The following INPP5A variants were observed in gnomAD, a reference collection of about 807,000 sequenced individuals.
INPP5A encodes the protein 43 kDa inositol polyphosphate 5-phophatase.
INPP5A carries 14 observed loss-of-function variants against 65.2 expected under a neutral mutation model. The observed-to-expected ratio is 0.21, with a 90% CI of 0.14 to 0.34. The LOEUF (loss-of-function observed/expected upper bound fraction) is 0.34. Among genes scored for constraint, INPP5A ranks in the 10% least tolerant of loss-of-function variants. The pLI, the probability that INPP5A is intolerant of heterozygous loss-of-function variation, is 1.00. For synonymous variants in INPP5A, 207 were observed against 208.3 expected (o/e 0.99, Z 0.05); for missense variants, 431 against 545.6 (o/e 0.79, Z 2.09).
intron 11 of INPP5A, among the ~76,000 whole-genome samples, chr10:132,755,337 T>C (rs1306539207): frequency 6.9e-6 from 1 of 144,796 alleles, no homozygotes; most frequent in African/African-American, 2.6e-5. Context: ...GTGTGAGCTG[T>C]GTGAGCGTGT....
intron 1 of INPP5A, among the ~76,000 whole-genome samples, chr10:132,548,416 T>G (rs1031824253): frequency 6.6e-6 from 1 of 152,208 alleles, no homozygotes; most frequent in Non-Finnish European, 1.5e-5. Flanking sequence ...CGACTCTGCT[T>G]CTGCCTCGCA....
At chr10:132,597,071 G>A (rs7922637) in intron 1 of INPP5A, among the ~76,000 whole-genome samples, 2,371 of 151,720 alleles carry the variant, frequency 0.016, 53 homozygotes, top group African/African-American at 0.053. Flanking sequence ...GCTCCTGTAC[G>A]TGTGTGCGTG....
intron 4 of INPP5A, among the ~76,000 whole-genome samples, chr10:132,682,061 G>A (rs969766511): frequency 3.9e-5 from 6 of 152,204 alleles, no homozygotes; most frequent in African/African-American, 1.2e-4. Context: ...GAGCGGGAAG[G>A]GGAGAGCGGG....
At chr10:132,564,041 A>C (rs2071240948) in intron 1 of INPP5A, among the ~76,000 whole-genome samples, 1 of 152,122 alleles carries the variant, frequency 6.6e-6, no homozygotes, top group African/African-American at 2.4e-5. Context: ...TTTTAACCAC[A>C]AAGGATAGGT....
At chr10:132,688,982 T>G (rs754580794) in intron 4 of INPP5A, among the ~76,000 whole-genome samples, 1 of 152,200 alleles carries the variant, frequency 6.6e-6, no homozygotes, top group Non-Finnish European at 1.5e-5. Flanking sequence ...AGTGTATGTG[T>G]GCAAGTGTGT....
chr10:132,641,823 T>C (rs774624826), intron 2 of INPP5A, among the ~76,000 whole-genome samples: 1 of 152,252 alleles, frequency 6.6e-6, no homozygotes, highest in Non-Finnish European at 1.5e-5. Context: ...TTCGTCTGTT[T>C]GGGGTACCCA....
chr10:132,726,138 T>G (rs926041577), intron 8 of INPP5A, among the ~76,000 whole-genome samples: 1 of 152,160 alleles, frequency 6.6e-6, no homozygotes, highest in Admixed American at 6.5e-5. Context: ...GGAAACTGAT[T>G]GTGATTGATT....
Position 132,781,312 on chromosome 10 carries a change from G to T in INPP5A, c.1158+395G>T, listed in dbSNP as rs73387039. Among the ~76,000 whole-genome samples the T allele has an allele frequency of 6.3e-3, 956 of 152,336 alleles. 5 individuals carry two copies. Among genetic ancestry groups the T allele is most frequent in the African/African-American group, 0.022 (908 of 41,570 alleles). On this transcript the variant is annotated intron_variant, in intron 14 of 15. Coordinates refer to ENST00000368594, the MANE Select transcript of INPP5A (RefSeq NM_005539.5). ...GCTCACTGTCAGCCGAGGAGCCGGG[G>T]TGAGGGCGCTCCCCACCGTGTGCCA...
At chr10:132,607,620 A>C (rs1457216563) in intron 1 of INPP5A, among the ~76,000 whole-genome samples, 1 of 152,244 alleles carries the variant, frequency 6.6e-6, no homozygotes, top group African/African-American at 2.4e-5. Context: ...AGCAACACAG[A>C]GCCTTCCCCT....
intron 4 of INPP5A, among the ~76,000 whole-genome samples, chr10:132,655,678 G>A (rs1590899638): frequency 6.6e-6 from 1 of 152,338 alleles, no homozygotes; most frequent in East Asian, 1.9e-4. Context: ...GCAGTGGGAG[G>A]GGTGGGGGGC....
chr10:132,579,005 G>A (rs561944172), intron 1 of INPP5A, among the ~76,000 whole-genome samples: 62 of 152,308 alleles, frequency 4.1e-4, no homozygotes, highest in African/African-American at 1.3e-3. Flanking sequence ...GAAGCTGCTC[G>A]TCCTCTTGTG....
intron 12 of INPP5A, among the ~76,000 whole-genome samples, chr10:132,772,522 A>G (rs1846973326): frequency 8.5e-6 from 1 of 117,404 alleles, no homozygotes; most frequent in African/African-American, 3.2e-5. Flanking sequence ...CACCCGATGA[A>G]GAGTGGGACG....
At chr10:132,746,991 TG>T (rs1432200523) in intron 9 of INPP5A, among the ~76,000 whole-genome samples, 1 of 152,224 alleles carries the variant, frequency 6.6e-6, no homozygotes, top group Non-Finnish European at 1.5e-5. Context: ...TCCTGGGCTC[TG>T]GGGTCCATCA....
chr10:132,734,476 C>T (rs545167835), intron 9 of INPP5A, among the ~76,000 whole-genome samples: 3 of 152,360 alleles, frequency 2.0e-5, no homozygotes, highest in South Asian at 2.1e-4. Context: ...AGTGCGGATT[C>T]GCAGCGTTTC....
intron 1 of INPP5A, among the ~76,000 whole-genome samples, chr10:132,586,015 G>A (rs1267369852): frequency 2.0e-5 from 3 of 152,224 alleles, no homozygotes; most frequent in Admixed American, 6.5e-5. Flanking sequence ...GGACCTCGCC[G>A]CTTGTCCCTG....
intron 12 of INPP5A, 107 bp downstream of exon 12, chr10:132,765,953 C>T (rs754876342): frequency 1.4e-6 from 1 of 737,840 alleles, no homozygotes; most frequent in Non-Finnish European, 2.5e-6. Context: ...TTGTGCTGGG[C>T]ATGAGTGTGT....
intron 1 of INPP5A, among the ~76,000 whole-genome samples, chr10:132,590,601 G>A (rs1256179663): frequency 6.6e-6 from 1 of 152,208 alleles, no homozygotes; most frequent in African/African-American, 2.4e-5. Flanking sequence ...TGGGTCCTCG[G>A]TGCAGTGATC....
At chr10:132,779,016 C>T (rs1242828447) in intron 13 of INPP5A, among the ~76,000 whole-genome samples, 6 of 152,364 alleles carry the variant, frequency 3.9e-5, no homozygotes, top group African/African-American at 9.6e-5. Context: ...GCCTGCCCTC[C>T]GTCCCTGGCT....
At position 132,627,671 on chromosome 10, in the gene INPP5A, G is replaced by C. The variant is rs933762426; in HGVS notation, c.118-18197G>C. Among the ~76,000 whole-genome samples the C allele has an allele frequency of 2.0e-5, 3 of 152,206 alleles. No homozygotes were observed. Among genetic ancestry groups the C allele is most frequent in the African/African-American group, 4.8e-5 (2 of 41,448 alleles). ...AAAGCAGCGAGCACAGTGTGGTCCGGGGCTGGGGGTGTGAGATGGCTGGGA... is the reference window on the plus strand; with the variant it reads ...AAAGCAGCGAGCACAGTGTGGTCCGCGGCTGGGGGTGTGAGATGGCTGGGA... On this transcript the variant is annotated intron_variant, in intron 2 of 15. Transcript: ENST00000368594. This position sits in a 1 kb window ranked among gnomAD's most constrained non-coding sequence, Gnocchi z 6.6.
Sources: allele counts gnomAD v4.1 joint callset (sites outside exome capture counted in the v4.1 genomes callset), GRCh38; gene constraint gnomAD v4.1.1; non-coding constraint Gnocchi (gnomAD v3.1); transcripts MANE v1.5; gene names NCBI Gene and HGNC (gene_info 2026-07-23, HGNC 2026-07-21).